CHL1: variants seen among roughly 807,000 people sequenced by gnomAD.
The protein encoded by CHL1 is neural cell adhesion molecule L1-like protein.
Under a neutral mutation model 141.9 loss-of-function variants are expected in CHL1, and 96 were observed. The ratio of observed to expected loss-of-function variants is 0.68; its 90% confidence interval spans 0.57 to 0.80. CHL1 has a LOEUF of 0.80. CHL1 is among the 30% of genes least tolerant of loss of function. CHL1 has a pLI of 0.00. For missense variants in CHL1, 1,820 were observed against 1,457.2 expected (o/e 1.25, Z -4.05); for synonymous variants, 613 against 502.2 (o/e 1.22, Z -2.95).
chr3:233,116 A>C (rs1056769281), intron 1 of CHL1, among the ~76,000 whole-genome samples: 7 of 152,208 alleles, frequency 4.6e-5, no homozygotes, highest in Admixed American at 2.6e-4. Context: ...CCTGACACAT[A>C]AATCTGATCT....
intron 1 of CHL1, among the ~76,000 whole-genome samples, chr3:204,147 C>G (rs546495038): frequency 2.8e-4 from 43 of 152,294 alleles, no homozygotes; most frequent in African/African-American, 1.0e-3. Flanking sequence ...ATTGCATTAT[C>G]TATGCTTTCT....
chr3:337,314 C>T (rs1559274304), intron 5 of CHL1, among the ~76,000 whole-genome samples: 1 of 151,494 alleles, frequency 6.6e-6, no homozygotes, highest in Non-Finnish European at 1.5e-5. Context: ...CCTCAGCCTC[C>T]CGAGTAGCTG....
chr3:237,269 ACT>A (rs1422018063), intron 1 of CHL1, among the ~76,000 whole-genome samples: 3 of 151,924 alleles, frequency 2.0e-5, no homozygotes, highest in Admixed American at 1.3e-4. Flanking sequence ...TTCCCCACTC[ACT>A]CTGTCTCTCT....
At chr3:393,219 C>G (rs796714168) in intron 23 of CHL1, among the ~76,000 whole-genome samples, 4 of 129,514 alleles carry the variant, frequency 3.1e-5, no homozygotes, top group African/African-American at 1.1e-4. Flanking sequence ...GGCGACAGAG[C>G]CAGACTCCGT....
intron 5 of CHL1, among the ~76,000 whole-genome samples, chr3:338,365 T>C (rs143326046): frequency 1.3e-5 from 2 of 152,324 alleles, no homozygotes; most frequent in Non-Finnish European, 2.9e-5. Context: ...ATTACTGTTG[T>C]CCAAACTCAG....
At chr3:280,631 T>G (rs571176122) in intron 2 of CHL1, among the ~76,000 whole-genome samples, 1 of 152,296 alleles carries the variant, frequency 6.6e-6, no homozygotes, top group East Asian at 1.9e-4. Flanking sequence ...TGTTCAACGA[T>G]GGTCACAAGA....
In CHL1 at chr3:405,479, T is replaced by C; in HGVS notation, c.3459-16T>C. The C allele has an allele frequency of 6.4e-7, 1 of 1,556,292 alleles. No homozygotes were observed. The highest frequency in any genetic ancestry group is 8.9e-7 in the Non-Finnish European group (1 of 1,129,074). On this transcript the variant is annotated splice_polypyrimidine_tract_variant and intron_variant, in intron 27 of 27. Coordinates refer to ENST00000256509, the MANE Select transcript of CHL1 (RefSeq NM_006614.4). Reference sequence around the variant, plus strand: ...ATTAGATTTTGTTGAGCTATTTTTGTTTGTTTGTTTTCTAGTGACAGTGAT... The same window carrying C: ...ATTAGATTTTGTTGAGCTATTTTTGCTTGTTTGTTTTCTAGTGACAGTGAT...
chr3:242,394 A>C (rs538308165), intron 1 of CHL1, among the ~76,000 whole-genome samples: 1 of 142,148 alleles, frequency 7.0e-6, no homozygotes, highest in East Asian at 2.2e-4. Context: ...CAGGAGATCG[A>C]GACCATCCTG....
At chr3:378,035 C>A in intron 16 of CHL1, 93 bp downstream of exon 16, 1 of 1,115,400 alleles carries the variant, frequency 9.0e-7, no homozygotes, top group Non-Finnish European at 1.2e-6. Flanking sequence ...ATTCTTTGAG[C>A]CCCTGCACAT....
At chr3:279,726 G>C (rs1696464589) in intron 2 of CHL1, among the ~76,000 whole-genome samples, 1 of 152,210 alleles carries the variant, frequency 6.6e-6, no homozygotes, top group African/African-American at 2.4e-5. Flanking sequence ...AAGCTGAACT[G>C]AAACAATGGA....
At chr3:372,599 C>T (rs574915728) in intron 15 of CHL1, among the ~76,000 whole-genome samples, 1 of 152,232 alleles carries the variant, frequency 6.6e-6, no homozygotes, top group Admixed American at 6.5e-5. Context: ...TCCTCTGAAG[C>T]CTACTCCTGT....
chr3:254,083 C>T (rs960570859), intron 2 of CHL1, among the ~76,000 whole-genome samples: 3 of 152,224 alleles, frequency 2.0e-5, no homozygotes, highest in Admixed American at 1.3e-4. Context: ...GCTGCTTCCC[C>T]AGCTGCTGGG....
At chr3:227,606 A>G (rs1273883091) in intron 1 of CHL1, among the ~76,000 whole-genome samples, 1 of 152,242 alleles carries the variant, frequency 6.6e-6, no homozygotes, top group East Asian at 1.9e-4. Context: ...GCATGTGTGG[A>G]CGGACAGATG....
intron 3 of CHL1, among the ~76,000 whole-genome samples, chr3:320,239 G>A (rs898553682): frequency 1.3e-5 from 2 of 151,982 alleles, no homozygotes; most frequent in African/African-American, 2.4e-5. Context: ...AACAAATTAT[G>A]TCGAAAAGGA....
rs1709157894 is a variant in CHL1, at chr3:401,770, G to A, written c.3458+72G>A. On this transcript the variant is annotated intron_variant, in intron 27 of 27. Coordinates refer to ENST00000256509, the MANE Select transcript of CHL1 (RefSeq NM_006614.4). ...TGAAAGCTTAAGTGAACAAAAAGGT[G>A]TTTATTCTTAATAAAAAGGTTACAT... is the stretch of plus-strand genomic sequence containing the variant. 6.6e-5 allele frequency: 57 copies of A among 868,410 alleles called. No individual in the cohort carries two copies. The South Asian group carries it at 9.5e-4, about 14-fold the overall frequency. 53.8% of individuals were successfully genotyped at this position (868,410 alleles called of 1,614,324 possible). A position where few individuals can be genotyped will look rare whatever the true frequency, so the allele number is the denominator to read the frequency against.
intron 2 of CHL1, among the ~76,000 whole-genome samples, chr3:268,875 T>A (rs577400954): frequency 9.8e-5 from 15 of 152,298 alleles, no homozygotes; most frequent in African/African-American, 3.4e-4. Context: ...GAATACAGGG[T>A]TAAAGGCAGA....
chr3:318,856 A>G (rs1700332825), intron 2 of CHL1, among the ~76,000 whole-genome samples: 1 of 151,718 alleles, frequency 6.6e-6, no homozygotes, highest in Admixed American at 6.6e-5. Flanking sequence ...AAATGGGAAT[A>G]GATATCTAAT....
At chr3:307,712 C>T (rs890717820) in intron 2 of CHL1, among the ~76,000 whole-genome samples, 1 of 152,004 alleles carries the variant, frequency 6.6e-6, no homozygotes, top group Admixed American at 6.6e-5. Flanking sequence ...AGTGATTAAG[C>T]CATACTTACA....
In CHL1 at chr3:368,015, G is replaced by A. The variant is rs182547698; in HGVS notation, c.1751+1900G>A. Among the ~76,000 whole-genome samples the A allele has an allele frequency of 2.8e-4, 43 of 152,180 alleles. No homozygotes were observed. In the East Asian group the frequency reaches 5.4e-3, roughly 19 times the overall value. ...CCTACCACTGATGGGCCTTGGTATC[G>A]GTTTCATGTCTTTACTATTGTAAAT... is the stretch of plus-strand genomic sequence containing the variant. On this transcript the variant is annotated intron_variant, in intron 15 of 27. Coordinates refer to ENST00000256509, the MANE Select transcript of CHL1 (RefSeq NM_006614.4).
Sources: allele counts gnomAD v4.1 joint callset (sites outside exome capture counted in the v4.1 genomes callset), GRCh38; gene constraint gnomAD v4.1.1; transcripts MANE v1.5; gene names NCBI Gene and HGNC (gene_info 2026-07-23, HGNC 2026-07-21).